Variants in FSTL5 observed in about 807,000 individuals in gnomAD.
FSTL5 encodes follistatin like 5.
Under a neutral mutation model 89.1 loss-of-function variants are expected in FSTL5, and 62 were observed. The ratio of observed to expected loss-of-function variants is 0.70; its 90% CI spans 0.57 to 0.86. The LOEUF is 0.86. Among genes scored for constraint, FSTL5 ranks in the 40% least tolerant of loss-of-function variants. The pLI is 0.00. For synonymous variants in FSTL5, 383 were observed against 346.2 expected (o/e 1.11, Z -1.18); for missense variants, 1,057 against 1,001.6 (o/e 1.06, Z -0.75).
intron 11 of FSTL5, among the ~76,000 whole-genome samples, chr4:161,508,347 G>A (rs1730546583): frequency 6.6e-6 from 1 of 151,982 alleles, no homozygotes; most frequent in Non-Finnish European, 1.5e-5. Flanking sequence ...GAAACAACAA[G>A]TACTGTTATG....
chr4:162,163,463 AATAATAG>A (rs1411536053), intron 1 of FSTL5, among the ~76,000 whole-genome samples, 145 bp downstream of exon 1: 30 of 28,908 alleles, frequency 1.0e-3, no homozygotes, highest in Non-Finnish European at 2.0e-3. Flanking sequence ...TAATAATAAT[AATAATAG>A]TAATTATTAA....
At chr4:161,739,766 A>C (rs919420510) in intron 6 of FSTL5, among the ~76,000 whole-genome samples, 1 of 152,124 alleles carries the variant, frequency 6.6e-6, no homozygotes, top group Non-Finnish European at 1.5e-5. Flanking sequence ...TGTAAAAGTT[A>C]TCTCTGTTTC....
chr4:161,482,624 T>C (rs1376032419), intron 12 of FSTL5, among the ~76,000 whole-genome samples: 1 of 152,236 alleles, frequency 6.6e-6, no homozygotes. Context: ...TGATGGCAGA[T>C]ATACCACATT....
intron 4 of FSTL5, among the ~76,000 whole-genome samples, chr4:161,863,912 C>A (rs955998228): frequency 6.6e-6 from 1 of 152,102 alleles, no homozygotes; most frequent in Non-Finnish European, 1.5e-5. Context: ...TGTCTTCCAA[C>A]CTTGATTTTA....
At chr4:161,407,572 AC>A (rs888034478) in intron 15 of FSTL5, among the ~76,000 whole-genome samples, 1 of 144,610 alleles carries the variant, frequency 6.9e-6, no homozygotes, top group Non-Finnish European at 1.5e-5. Context: ...GGGACCCCAT[AC>A]CCCCACAGAC....
chr4:162,022,273 A>G (rs1197228089), intron 3 of FSTL5, among the ~76,000 whole-genome samples: 1 of 151,968 alleles, frequency 6.6e-6, no homozygotes, highest in African/African-American at 2.4e-5. Context: ...GCTTCATATT[A>G]CAATTGCATT....
chr4:161,792,314 A>G (rs1729505201), intron 4 of FSTL5, among the ~76,000 whole-genome samples: 1 of 152,116 alleles, frequency 6.6e-6, no homozygotes, highest in Admixed American at 6.5e-5. Flanking sequence ...GTTGAGGGCA[A>G]CTTGGCATGG....
intron 6 of FSTL5, among the ~76,000 whole-genome samples, chr4:161,704,349 GC>G (rs1738500099): frequency 6.6e-6 from 1 of 152,058 alleles, no homozygotes; most frequent in African/African-American, 2.4e-5. Flanking sequence ...AGCAAACTGT[GC>G]TCCGACCACC....
chr4:161,992,919 T>C (rs367868777), intron 3 of FSTL5, among the ~76,000 whole-genome samples: 7 of 11,500 alleles, frequency 6.1e-4, no homozygotes, highest in Admixed American at 1.4e-3. Flanking sequence ...TATATATATA[T>C]ATATATGTGT....
At chr4:161,727,500 T>C (rs1425855499) in intron 6 of FSTL5, among the ~76,000 whole-genome samples, 1 of 152,208 alleles carries the variant, frequency 6.6e-6, no homozygotes, top group Non-Finnish European at 1.5e-5. Flanking sequence ...CTGGTCAATT[T>C]GCCAAACACC....
intron 7 of FSTL5, among the ~76,000 whole-genome samples, chr4:161,595,880 A>G (rs1733996815): frequency 6.6e-6 from 1 of 151,884 alleles, no homozygotes; most frequent in South Asian, 2.1e-4. Flanking sequence ...ATAGTTCTAA[A>G]TTGTATGGTA....
intron 1 of FSTL5, among the ~76,000 whole-genome samples, chr4:162,138,458 A>G (rs1477993405): frequency 6.6e-6 from 1 of 152,118 alleles, no homozygotes; most frequent in Non-Finnish European, 1.5e-5. Flanking sequence ...CTCTTACCAA[A>G]CTAAGAATAG....
At chr4:162,087,573 AC>A (rs1304680080) in intron 2 of FSTL5, among the ~76,000 whole-genome samples, 9 of 152,134 alleles carry the variant, frequency 5.9e-5, no homozygotes, top group Admixed American at 4.6e-4. Flanking sequence ...TAATCTTCTA[AC>A]CCTCTGCCCT....
intron 3 of FSTL5, among the ~76,000 whole-genome samples, chr4:161,977,769 A>G (rs890699403): frequency 1.3e-5 from 2 of 151,774 alleles, no homozygotes; most frequent in Admixed American, 6.6e-5. Context: ...AAATCCAACT[A>G]TAAGTGAACC....
chr4:162,078,005 C>T (rs6832324), intron 2 of FSTL5, among the ~76,000 whole-genome samples: 2 of 151,548 alleles, frequency 1.3e-5, no homozygotes, highest in Non-Finnish European at 3.0e-5. Flanking sequence ...ATCACCAGCA[C>T]CCATGAAAAC....
At chr4:161,752,607 G>A (rs756131252) in intron 6 of FSTL5, among the ~76,000 whole-genome samples, 2 of 151,826 alleles carry the variant, frequency 1.3e-5, no homozygotes, top group Non-Finnish European at 2.9e-5. Flanking sequence ...TTTTCCCTTG[G>A]ATTCAGCTTT....
At chr4:161,407,055 G>T (rs1426832856) in intron 15 of FSTL5, among the ~76,000 whole-genome samples, 1 of 152,136 alleles carries the variant, frequency 6.6e-6, no homozygotes, top group Admixed American at 6.5e-5. Flanking sequence ...AAAGGGGAAT[G>T]GGAAGTAATT....
chr4:161,792,173 C>T (rs1729499587), intron 4 of FSTL5, among the ~76,000 whole-genome samples: 1 of 152,140 alleles, frequency 6.6e-6, no homozygotes, highest in South Asian at 2.1e-4. Context: ...GAGCCGAGCC[C>T]AGGCACTATC....
intron 7 of FSTL5, among the ~76,000 whole-genome samples, chr4:161,587,960 T>C (rs1396318656): frequency 1.3e-5 from 2 of 152,010 alleles, no homozygotes; most frequent in African/African-American, 2.4e-5. Context: ...GATCACTTGA[T>C]GTCAGGAGTT....
Sources: gnomAD v4.1 joint callset for allele counts (sites outside exome capture counted in the v4.1 genomes callset) on GRCh38, gnomAD v4.1.1 for gene constraint, MANE v1.5 for transcripts, NCBI Gene and HGNC (gene_info 2026-07-23, HGNC 2026-07-21) for gene names.